PAK5: variants seen among roughly 807,000 people sequenced by gnomAD.
PAK5 encodes p21 (RAC1) activated kinase 5.
In PAK5, 16 loss-of-function variants were observed where a neutral mutation model predicts 65.9. The observed-to-expected ratio is 0.24, with a 90% CI of 0.16 to 0.37. The LOEUF (loss-of-function observed/expected upper bound fraction) is 0.37, where lower values mean the gene tolerates loss of function less well. Among genes scored for constraint, PAK5 ranks in the 10% least tolerant of loss-of-function variants. The probability of loss-of-function intolerance (pLI) is 1.00; values close to 1 mark genes in which losing one functional copy is unlikely to be tolerated. For missense variants in PAK5, 785 were observed against 903.9 expected, an observed-to-expected ratio of 0.87 and a Z score of 1.69; for synonymous variants, 371 against 354.9, an observed-to-expected ratio of 1.05 and a Z score of -0.51.
intron 3 of PAK5, among the ~76,000 whole-genome samples, chr20:9,635,699 C>T (rs1644354141): frequency 6.6e-6 from 1 of 152,156 alleles, no homozygotes; most frequent in African/African-American, 2.4e-5. Flanking sequence ...AACATGAAGG[C>T]ACTGGACTTC....
intron 2 of PAK5, among the ~76,000 whole-genome samples, chr20:9,705,071 C>T (rs2047988683): frequency 6.6e-6 from 1 of 152,102 alleles, no homozygotes; most frequent in South Asian, 2.1e-4. Context: ...GCTATTGGCA[C>T]CTAGTGGGTA....
intron 3 of PAK5, among the ~76,000 whole-genome samples, chr20:9,630,731 C>A (rs894033517): frequency 2.0e-5 from 3 of 152,190 alleles, no homozygotes; most frequent in Non-Finnish European, 4.4e-5. Flanking sequence ...GAGGGAGGAG[C>A]CTAAGCCACA....
chr20:9,580,288 G>A lies in PAK5; in HGVS notation c.847C>T (p.Arg283Trp), dbSNP rs145132727. The A allele has an allele frequency of 6.8e-6, 11 of 1,613,996 alleles. No individual in the cohort carries two copies. Among genetic ancestry groups the A allele is most frequent in the East Asian group, 4.5e-5 (2 of 44,882 alleles). Reference sequence around the variant, plus strand: ...CCCGAGCCTGACCTGGACCTCTGCCGCATGGTGGGCTGAGGGCTTGTCTGA... The same window carrying A: ...CCCGAGCCTGACCTGGACCTCTGCCACATGGTGGGCTGAGGGCTTGTCTGA... ...LNQTSPQPTM[R>W]QRSRSGSGLQ... Residue 283 changes from arginine (R) to tryptophan (W), a missense_variant, in exon 4 of 10, where the codon CGG becomes TGG. Physicochemically the swap from Arg to Trp is moderately radical, Grantham distance 101. Transcript: ENST00000353224.
chr20:9,749,687 G>T (rs1400551273), intron 1 of PAK5, among the ~76,000 whole-genome samples: 2 of 152,114 alleles, frequency 1.3e-5, no homozygotes, highest in Non-Finnish European at 2.9e-5. Flanking sequence ...GCTACAAAAA[G>T]TAGCCAGTAT....
chr20:9,626,123 A>G (rs533966401), intron 3 of PAK5, among the ~76,000 whole-genome samples: 1 of 152,372 alleles, frequency 6.6e-6, no homozygotes, highest in South Asian at 2.1e-4. Context: ...GAAGACAATG[A>G]AATTATCAAT....
intron 6 of PAK5, among the ~76,000 whole-genome samples, chr20:9,562,115 G>A (rs576698346): frequency 6.6e-6 from 1 of 152,176 alleles, no homozygotes; most frequent in East Asian, 1.9e-4. Context: ...CATCTCAGAT[G>A]TCACCTTATA....
Position 9,662,775 on chromosome 20 carries a change from A to AT in PAK5, c.-11-18437dup, listed in dbSNP as rs901672539. On this transcript the variant is annotated intron_variant, in intron 2 of 9. Coordinates refer to ENST00000353224, the MANE Select transcript of PAK5 (RefSeq NM_177990.4). Reference sequence around the variant, plus strand: ...TGGGCATTACTCTAATATACTTATCATTTTTTTTTCTGATAACAACACTAT... The same window carrying AT: ...TGGGCATTACTCTAATATACTTATCATTTTTTTTTTCTGATAACAACACTAT... 8.6e-5 allele frequency among the ~76,000 whole-genome samples: 13 copies of AT among 151,018 alleles called. 1 individual carries two copies. Among genetic ancestry groups the AT allele is most frequent in the East Asian group, 3.9e-4 (2 of 5,172 alleles).
chr20:9,577,406 CACAT>C (rs2045904674), intron 4 of PAK5: 5 of 151,924 alleles, frequency 3.3e-5, no homozygotes, highest in Admixed American at 1.3e-4. Context: ...TGTACACACA[CACAT>C]GTGTACACAC....
At chr20:9,833,070 T>C (rs958470234) in intron 1 of PAK5, among the ~76,000 whole-genome samples, 10 of 152,236 alleles carry the variant, frequency 6.6e-5, no homozygotes, top group Admixed American at 3.3e-4. Flanking sequence ...CTAAAATTAG[T>C]TAAATATTTT....
intron 1 of PAK5, among the ~76,000 whole-genome samples, chr20:9,834,525 C>T (rs6141054): frequency 6.6e-6 from 1 of 152,154 alleles, no homozygotes; most frequent in East Asian, 1.9e-4. Context: ...CAGTGCCCAC[C>T]TAGATATGGT....
intron 3 of PAK5, among the ~76,000 whole-genome samples, chr20:9,628,088 T>C (rs1043141917): frequency 6.6e-6 from 1 of 152,234 alleles, no homozygotes; most frequent in Admixed American, 6.5e-5. Context: ...TGTTCTCTTC[T>C]TAAAAAAGGG....
chr20:9,687,982 A>G (rs1348774174), intron 2 of PAK5, among the ~76,000 whole-genome samples: 1 of 151,720 alleles, frequency 6.6e-6, no homozygotes, highest in African/African-American at 2.4e-5. Context: ...TGGGTCCAGG[A>G]AGGCTCTGAG....
intron 1 of PAK5, among the ~76,000 whole-genome samples, chr20:9,835,918 T>G (rs1008383056): frequency 6.6e-6 from 1 of 152,108 alleles, no homozygotes; most frequent in Non-Finnish European, 1.5e-5. Flanking sequence ...TGCATTTTGG[T>G]TTTTTTGCAT....
At chr20:9,723,631 A>G (rs984856751) in intron 1 of PAK5, among the ~76,000 whole-genome samples, 3 of 152,132 alleles carry the variant, frequency 2.0e-5, no homozygotes, top group African/African-American at 7.2e-5. Context: ...TGCATTTCGA[A>G]CTGTTCTTGC....
intron 3 of PAK5, among the ~76,000 whole-genome samples, chr20:9,599,420 T>A (rs957871606): frequency 2.6e-5 from 4 of 152,218 alleles, no homozygotes; most frequent in African/African-American, 7.2e-5. Context: ...TTCTGAAGAA[T>A]CAACAAACTG....
chr20:9,542,140 A>T (rs1229953096), intron 9 of PAK5, among the ~76,000 whole-genome samples: 1 of 152,000 alleles, frequency 6.6e-6, no homozygotes, highest in Non-Finnish European at 1.5e-5. Flanking sequence ...TATGTACCAC[A>T]CTCTGAAATT....
intron 1 of PAK5, among the ~76,000 whole-genome samples, chr20:9,771,759 C>A (rs1052406327): frequency 6.6e-6 from 1 of 152,004 alleles, no homozygotes; most frequent in Non-Finnish European, 1.5e-5. Flanking sequence ...CTATTGCCAT[C>A]AAGGAACAGT....
intron 3 of PAK5, among the ~76,000 whole-genome samples, chr20:9,642,352 CT>C: frequency 1.3e-5 from 2 of 152,314 alleles, no homozygotes; most frequent in Middle Eastern, 6.8e-3. Context: ...ACCATTCTAA[CT>C]GGTGTGAGAA....
At chr20:9,813,971 G>A (rs2049327338) in intron 1 of PAK5, among the ~76,000 whole-genome samples, 1 of 152,124 alleles carries the variant, frequency 6.6e-6, no homozygotes. Context: ...CCATATGATA[G>A]GATAGAGATT....
Sources: gnomAD v4.1 joint callset for allele counts (sites outside exome capture counted in the v4.1 genomes callset) on GRCh38, gnomAD v4.1.1 for gene constraint, MANE v1.5 for transcripts, NCBI Gene and HGNC (gene_info 2026-07-23, HGNC 2026-07-21) for gene names.